Variants in TBC1D32 observed in about 807,000 individuals in gnomAD.
The protein encoded by TBC1D32 is TBC1 domain family member 32, also known as protein broad-minded.
TBC1D32 carries 151 observed loss-of-function variants against 170.3 expected under a neutral mutation model. That is an observed-to-expected ratio of 0.89 (90% CI 0.78 to 1.01). TBC1D32 has a LOEUF of 1.01. TBC1D32 is among the 50% of genes least tolerant of loss of function. The probability of loss-of-function intolerance (pLI) is 0.00; values close to 1 mark genes in which losing one functional copy is unlikely to be tolerated. For synonymous variants in TBC1D32, 498 were observed against 488.0 expected (o/e 1.02, Z -0.27); for missense variants, 1,464 against 1,457.1 (o/e 1.00, Z -0.08).
intron 30 of TBC1D32, among the ~76,000 whole-genome samples, chr6:121,098,131 T>A (rs1295202161): frequency 6.6e-6 from 1 of 151,576 alleles, no homozygotes; most frequent in Non-Finnish European, 1.5e-5. Context: ...ACCACCATGG[T>A]ATATGTATAC....
intron 24 of TBC1D32, among the ~76,000 whole-genome samples, chr6:121,149,442 T>C (rs569063519): frequency 2.9e-4 from 44 of 152,342 alleles, no homozygotes; most frequent in Non-Finnish European, 5.9e-4. Context: ...GTATAAGTTA[T>C]AACAAAGGGG....
At chr6:121,249,227 C>T (rs1797993386) in intron 17 of TBC1D32, among the ~76,000 whole-genome samples, 2 of 150,554 alleles carry the variant, frequency 1.3e-5, no homozygotes, top group Non-Finnish European at 1.5e-5. Flanking sequence ...TTATTATTAT[C>T]TCAATAAAAA....
intron 21 of TBC1D32, among the ~76,000 whole-genome samples, chr6:121,214,661 T>A (rs565205402): frequency 6.6e-5 from 10 of 152,242 alleles, no homozygotes; most frequent in Admixed American, 2.0e-4. Flanking sequence ...CAGCCATGGA[T>A]CAAGGATCTC....
chr6:121,115,214 C>CT lies in TBC1D32; in HGVS notation c.3010dup (p.Ser1004LysfsTer11). 6.2e-7 allele frequency: 1 copy of CT among 1,600,362 alleles called. No individual in the cohort carries two copies. The highest frequency in any genetic ancestry group is 8.5e-7 in the Non-Finnish European group (1 of 1,171,768). ...GCCAAGCTGCTGCACAGATGAAAGA[C>CT]TTTCATTCTTCACATTTGCATCAGT... is the stretch of plus-strand genomic sequence containing the variant. On this transcript the variant is annotated frameshift_variant, in exon 27 of 32. Transcript: ENST00000398212. LOFTEE classifies it high-confidence loss of function.
chr6:121,278,659 A>G (rs1321235948), intron 15 of TBC1D32, among the ~76,000 whole-genome samples: 1 of 152,146 alleles, frequency 6.6e-6, no homozygotes, highest in Non-Finnish European at 1.5e-5. Context: ...TAGTTATAAA[A>G]TAAATCAAGC....
chr6:121,204,665 A>G (rs1373968616), intron 22 of TBC1D32, among the ~76,000 whole-genome samples: 1 of 151,404 alleles, frequency 6.6e-6, no homozygotes, highest in Non-Finnish European at 1.5e-5. Context: ...AGTAAAGTTG[A>G]AAAGTAATGA....
At chr6:121,118,430 A>G (rs773097147) in intron 26 of TBC1D32, among the ~76,000 whole-genome samples, 5 of 152,162 alleles carry the variant, frequency 3.3e-5, no homozygotes, top group East Asian at 1.9e-4. Context: ...TATAAATGCA[A>G]TAGTTTCAAA....
intron 12 of TBC1D32, among the ~76,000 whole-genome samples, chr6:121,285,846 G>T (rs1303488251): frequency 6.6e-6 from 1 of 152,222 alleles, no homozygotes; most frequent in Non-Finnish European, 1.5e-5. Context: ...CCGCTGTTCT[G>T]CAGCCTCTGC....
chr6:121,252,089 A>T (rs1798371208), intron 17 of TBC1D32, among the ~76,000 whole-genome samples: 1 of 152,194 alleles, frequency 6.6e-6, no homozygotes, highest in South Asian at 2.1e-4. Flanking sequence ...GCTAGAGAGG[A>T]TGTCGAGAAA....
At position 121,241,761 on chromosome 6, in the gene TBC1D32, T is replaced by G. The variant is rs1250095606; in HGVS notation, c.2158-209A>C. 3.9e-5 allele frequency among the ~76,000 whole-genome samples: 6 copies of G among 152,204 alleles called. No individual in the cohort carries two copies. In the East Asian group the frequency reaches 9.6e-4, roughly 24 times the overall value. ...AACTCAGTGACCTTTGACCTTTGAC[T>G]GTTAAAGACTAAATTATATTGTAAA... On this transcript the variant is annotated intron_variant, in intron 18 of 31. Coordinates refer to ENST00000398212, the MANE Select transcript of TBC1D32 (RefSeq NM_152730.6).
chr6:121,319,790 A>T (rs925222712), intron 2 of TBC1D32, among the ~76,000 whole-genome samples: 11 of 152,182 alleles, frequency 7.2e-5, no homozygotes, highest in African/African-American at 2.7e-4. Flanking sequence ...GTAAATTTAA[A>T]AATAATGTCA....
intron 1 of TBC1D32, 125 bp from the exon 2 acceptor site, chr6:121,321,919 T>C: frequency 3.3e-6 from 3 of 896,894 alleles, no homozygotes; most frequent in South Asian, 2.3e-5. Context: ...TAGTCATTCA[T>C]CACAAATCAT....
At position 121,321,654 on chromosome 6, in the gene TBC1D32, T is replaced by C; in HGVS notation, c.296A>G (p.Lys99Arg). The change falls in exon 2 of 32, where the codon AAA (lysine) becomes AGA (arginine). Residue 99 changes from lysine (K) to arginine (R), a missense_variant. Coordinates refer to ENST00000398212, the MANE Select transcript of TBC1D32 (RefSeq NM_152730.6). The stretch of plus-strand genomic sequence containing the variant: ...TCACTCTTTAGATTCTTGAGTTCTT[T>C]TAGTGACCTGCTGTACAACTGTATC... ...GYDTVVQQVTKRTQESKEYKE... is the reference protein window; with the variant it reads ...GYDTVVQQVTRRTQESKEYKE... 1 of 1,613,036 alleles carries C rather than the reference T, an allele frequency of 6.2e-7. No individual in the cohort carries two copies.
At chr6:121,293,309 C>G (rs1805147140) in intron 11 of TBC1D32, among the ~76,000 whole-genome samples, 1 of 152,042 alleles carries the variant, frequency 6.6e-6, no homozygotes, top group Admixed American at 6.6e-5. Flanking sequence ...ACTTATATGT[C>G]CTTTTCCTTC....
chr6:121,282,656 A>T (rs1409768485), intron 13 of TBC1D32, among the ~76,000 whole-genome samples: 2 of 151,804 alleles, frequency 1.3e-5, no homozygotes, highest in Non-Finnish European at 3.0e-5. Context: ...TCTTTCACTC[A>T]TCCAATCATC....
intron 22 of TBC1D32, among the ~76,000 whole-genome samples, chr6:121,180,103 AAC>A (rs1233342315): frequency 6.6e-6 from 1 of 152,160 alleles, no homozygotes; most frequent in African/African-American, 2.4e-5. Flanking sequence ...TACCTAATTA[AAC>A]AGAGATATAT....
intron 22 of TBC1D32, among the ~76,000 whole-genome samples, chr6:121,161,319 A>G (rs1785618642): frequency 6.6e-6 from 1 of 152,106 alleles, no homozygotes; most frequent in Non-Finnish European, 1.5e-5. Context: ...CCCAGCATCC[A>G]TGAGCTATTC....
Position 121,292,450 on chromosome 6 carries a change from A to G in TBC1D32, c.1232-257T>C, listed in dbSNP as rs369410167. Among the ~76,000 whole-genome samples, 15 of 152,320 alleles carry G rather than the reference A, an allele frequency of 9.8e-5. No individual in the cohort carries two copies. The East Asian group carries it at 2.7e-3, about 27-fold the overall frequency. On this transcript the variant is annotated intron_variant, in intron 11 of 31. Coordinates refer to ENST00000398212, the MANE Select transcript of TBC1D32 (RefSeq NM_152730.6). ...TAGTGTCCATTCTAAAATAAATACC[A>G]TAAGACTGCCAGAGTTATCTGCCAC... is the stretch of plus-strand genomic sequence containing the variant.
intron 17 of TBC1D32, among the ~76,000 whole-genome samples, chr6:121,244,372 C>G (rs1797352898): frequency 6.6e-6 from 1 of 152,048 alleles, no homozygotes; most frequent in Middle Eastern, 3.2e-3. Flanking sequence ...CAAGTTGTAT[C>G]ATTATATGAC....
Sources: allele counts gnomAD v4.1 joint callset (sites outside exome capture counted in the v4.1 genomes callset), GRCh38; gene constraint gnomAD v4.1.1; transcripts MANE v1.5; gene names NCBI Gene and HGNC (gene_info 2026-07-23, HGNC 2026-07-21).